The following UBE2E2 variants were observed in gnomAD, a reference collection of about 807,000 sequenced individuals.
UBE2E2 encodes ubiquitin conjugating enzyme E2 E2, also known as ubiquitin-conjugating enzyme E2 E2.
In UBE2E2, 6 loss-of-function variants were observed where a neutral mutation model predicts 24.7. The observed-to-expected ratio is 0.24, with a 90% CI of 0.13 to 0.48. The LOEUF (loss-of-function observed/expected upper bound fraction) is 0.48. Among genes scored for constraint, UBE2E2 ranks in the 20% least tolerant of loss-of-function variants. UBE2E2 has a pLI of 0.99. For missense variants in UBE2E2, 169 were observed against 245.0 expected, an observed-to-expected ratio of 0.69 and a Z score of 2.07; for synonymous variants, 104 against 83.6, an observed-to-expected ratio of 1.24 and a Z score of -1.33.
At chr3:23,577,663 A>T (rs1036367045) in intron 5 of UBE2E2, among the ~76,000 whole-genome samples, 3 of 152,240 alleles carry the variant, frequency 2.0e-5, no homozygotes, top group African/African-American at 4.8e-5. Flanking sequence ...TCTAGCTAAG[A>T]TAATTGATGA....
intron 5 of UBE2E2, among the ~76,000 whole-genome samples, chr3:23,549,838 G>T (rs530609268): frequency 6.6e-6 from 1 of 152,196 alleles, no homozygotes; most frequent in South Asian, 2.1e-4. Flanking sequence ...TTTGAGACCA[G>T]CCTGGCCAAC....
At chr3:23,451,502 T>G (rs1187922914) in intron 3 of UBE2E2, among the ~76,000 whole-genome samples, 1 of 152,086 alleles carries the variant, frequency 6.6e-6, no homozygotes, top group Non-Finnish European at 1.5e-5. Flanking sequence ...GCCAGGAAAT[T>G]TAGGTCTTCA....
chr3:23,571,044 A>G (rs977311792), intron 5 of UBE2E2, among the ~76,000 whole-genome samples: 5 of 152,028 alleles, frequency 3.3e-5, no homozygotes, highest in Non-Finnish European at 4.4e-5. Context: ...TGCTAGCACA[A>G]TTTTTCCCAC....
At chr3:23,311,164 A>C (rs1036380738) in intron 3 of UBE2E2, among the ~76,000 whole-genome samples, 1 of 152,120 alleles carries the variant, frequency 6.6e-6, no homozygotes, top group Non-Finnish European at 1.5e-5. Flanking sequence ...AGCTTCATCT[A>C]TGTCCCTGCA....
chr3:23,481,279 C>G (rs1037711615), intron 3 of UBE2E2, among the ~76,000 whole-genome samples: 2 of 152,186 alleles, frequency 1.3e-5, no homozygotes, highest in Admixed American at 1.3e-4. Flanking sequence ...TACTCTATCC[C>G]GTCCACCTGC....
chr3:23,241,587 A>G (rs1031689180), intron 3 of UBE2E2, among the ~76,000 whole-genome samples: 6 of 150,896 alleles, frequency 4.0e-5, no homozygotes, highest in South Asian at 2.1e-4. Flanking sequence ...TATTTCCTCA[A>G]ATGTCATCTC....
intron 4 of UBE2E2, among the ~76,000 whole-genome samples, chr3:23,511,911 T>C (rs1213522458): frequency 6.6e-6 from 1 of 152,224 alleles, no homozygotes; most frequent in Non-Finnish European, 1.5e-5. Flanking sequence ...AATAATTACC[T>C]GTAGTTGCAG....
In UBE2E2 at chr3:23,266,754, CT is replaced by C. The variant is rs1698060593; in HGVS notation, c.227+49446del. On this transcript the variant is annotated intron_variant, in intron 3 of 5. Transcript: ENST00000396703. ...ACCCCAAATCAACAGAATATACATTCTTTTCAGCAGCACACCACACCTACTC... is the reference window on the plus strand; with the variant it reads ...ACCCCAAATCAACAGAATATACATTCTTTCAGCAGCACACCACACCTACTC... Among the ~76,000 whole-genome samples, 10 of 152,260 alleles carry C rather than the reference CT, an allele frequency of 6.6e-5. No homozygotes were observed. In the South Asian group the frequency reaches 1.9e-3, roughly 28 times the overall value.
At chr3:23,531,902 A>G (rs1695131030) in intron 4 of UBE2E2, among the ~76,000 whole-genome samples, 2 of 152,046 alleles carry the variant, frequency 1.3e-5, no homozygotes. Flanking sequence ...TCTCTACTAA[A>G]AATACAAAAA....
intron 5 of UBE2E2, among the ~76,000 whole-genome samples, chr3:23,560,469 A>G (rs188284474): frequency 6.6e-6 from 1 of 152,014 alleles, no homozygotes; most frequent in Non-Finnish European, 1.5e-5. Context: ...TCCATCCTTG[A>G]TGGACATTTG....
intron 3 of UBE2E2, among the ~76,000 whole-genome samples, chr3:23,300,907 A>G (rs1045770750): frequency 3.9e-5 from 6 of 152,144 alleles, no homozygotes; most frequent in Non-Finnish European, 1.5e-5. Context: ...TCTCCCCGTC[A>G]CTTTCAGGTA....
chr3:23,359,526 T>C (rs1473097949), intron 3 of UBE2E2, among the ~76,000 whole-genome samples: 2 of 152,206 alleles, frequency 1.3e-5, no homozygotes, highest in African/African-American at 4.8e-5. Context: ...AACTGGTGTC[T>C]ACAGATTTTG....
chr3:23,204,849 C>G, intron 1 of UBE2E2: 4 of 741,696 alleles, frequency 5.4e-6, no homozygotes, highest in Non-Finnish European at 6.6e-6. Context: ...ACATATATGA[C>G]AGAATTAAAC....
chr3:23,467,455 C>T (rs1463924972), intron 3 of UBE2E2, among the ~76,000 whole-genome samples: 1 of 152,208 alleles, frequency 6.6e-6, no homozygotes. Flanking sequence ...CTTCTCACTG[C>T]TCTATGACTT....
chr3:23,499,876 T>C, intron 4 of UBE2E2, 136 bp downstream of exon 4: 1 of 1,089,600 alleles, frequency 9.2e-7, no homozygotes, highest in Non-Finnish European at 1.2e-6. Context: ...TGATAGTGTA[T>C]AAAATGAAAC....
chr3:23,346,639 G>T (rs1032516707), intron 3 of UBE2E2, among the ~76,000 whole-genome samples: 1 of 152,196 alleles, frequency 6.6e-6, no homozygotes, highest in Non-Finnish European at 1.5e-5. Context: ...TCCCTAAAAT[G>T]TACTTAATGT....
chr3:23,433,328 A>C (rs1698109682), intron 3 of UBE2E2, among the ~76,000 whole-genome samples: 1 of 151,966 alleles, frequency 6.6e-6, no homozygotes, highest in Admixed American at 6.6e-5. Context: ...AAAGCTGAAA[A>C]ACAGCTGATT....
At chr3:23,217,828 T>C (rs1209712866) in intron 3 of UBE2E2, among the ~76,000 whole-genome samples, 1 of 152,102 alleles carries the variant, frequency 6.6e-6, no homozygotes, top group Non-Finnish European at 1.5e-5. Flanking sequence ...TCTCTCCCTT[T>C]ATGATCATGA....
At chr3:23,569,547 T>G (rs1559425254) in intron 5 of UBE2E2, among the ~76,000 whole-genome samples, 1 of 152,198 alleles carries the variant, frequency 6.6e-6, no homozygotes, top group South Asian at 2.1e-4. Flanking sequence ...TTGGCCTGTT[T>G]CCTCCACTAC....
Sources: gnomAD v4.1 joint callset for allele counts (sites outside exome capture counted in the v4.1 genomes callset) on GRCh38, gnomAD v4.1.1 for gene constraint, MANE v1.5 for transcripts, NCBI Gene and HGNC (gene_info 2026-07-23, HGNC 2026-07-21) for gene names.